CSMD3: variants seen among roughly 807,000 people sequenced by gnomAD.
The protein encoded by CSMD3 is CUB and sushi domain-containing protein 3.
Under a neutral mutation model 435.2 loss-of-function variants are expected in CSMD3, and 177 were observed. The observed-to-expected ratio is 0.41, with a 90% confidence interval of 0.36 to 0.46. The LOEUF (loss-of-function observed/expected upper bound fraction) is 0.46, where lower values mean the gene tolerates loss of function less well. CSMD3 is among the 20% of genes least tolerant of loss of function. The probability of loss-of-function intolerance (pLI) is 0.34; values close to 1 mark genes in which losing one functional copy is unlikely to be tolerated. For synonymous variants in CSMD3, 1,656 were observed against 1,520.5 expected (o/e 1.09, Z -2.07); for missense variants, 4,265 against 4,504.6 (o/e 0.95, Z 1.52).
At chr8:113,239,902 T>A (rs79624576) in intron 3 of CSMD3, among the ~76,000 whole-genome samples, 4,505 of 152,176 alleles carry the variant, frequency 0.03, 86 homozygotes, top group Admixed American at 0.04. Context: ...ATTTGTTACA[T>A]AGGTAAATGT....
chr8:112,294,217 G>A lies in CSMD3; in HGVS notation c.8615-1507C>T, dbSNP rs564590628. Among the ~76,000 whole-genome samples the A allele has an allele frequency of 3.9e-5, 6 of 151,968 alleles. No individual in the cohort carries two copies. The East Asian group carries it at 7.7e-4, about 20-fold the overall frequency. ...TACCATGAAACTAGAATTTCTATACGTTTCTGTGGATTGGATCAAAACAGT... is the reference window on the plus strand; with the variant it reads ...TACCATGAAACTAGAATTTCTATACATTTCTGTGGATTGGATCAAAACAGT... On this transcript the variant is annotated intron_variant, in intron 54 of 70. Coordinates refer to ENST00000297405, the MANE Select transcript of CSMD3 (RefSeq NM_198123.2).
chr8:112,477,550 C>T (rs1482516473), intron 31 of CSMD3, among the ~76,000 whole-genome samples: 1 of 152,030 alleles, frequency 6.6e-6, no homozygotes, highest in East Asian at 1.9e-4. Context: ...TGGTGCTGTC[C>T]TAGCAATAGT....
intron 32 of CSMD3, among the ~76,000 whole-genome samples, chr8:112,442,856 A>AACATGCAG (rs1221879752): frequency 6.6e-6 from 1 of 152,200 alleles, no homozygotes; most frequent in Non-Finnish European, 1.5e-5. Flanking sequence ...GTCAGATTCA[A>AACATGCAG]ACATGCAGAC....
intron 13 of CSMD3, among the ~76,000 whole-genome samples, chr8:112,695,362 C>G (rs1414471763): frequency 6.6e-6 from 1 of 152,042 alleles, no homozygotes; most frequent in African/African-American, 2.4e-5. Flanking sequence ...TATTTTCTTT[C>G]TCCTTTTTAA....
At chr8:112,350,283 T>C (rs1272437512) in intron 40 of CSMD3, among the ~76,000 whole-genome samples, 1 of 151,346 alleles carries the variant, frequency 6.6e-6, no homozygotes, top group South Asian at 2.1e-4. Context: ...ACTTTTTTTT[T>C]TTTTTTTTTT....
chr8:112,908,948 G>T (rs191401302), intron 10 of CSMD3, among the ~76,000 whole-genome samples: 53 of 151,556 alleles, frequency 3.5e-4, no homozygotes, highest in African/African-American at 1.2e-3. Context: ...TAAGTGAGAA[G>T]ATTTTCAGAA....
intron 12 of CSMD3, among the ~76,000 whole-genome samples, chr8:112,828,163 A>T (rs944891377): frequency 1.3e-5 from 2 of 152,210 alleles, no homozygotes; most frequent in African/African-American, 4.8e-5. Flanking sequence ...TTATTTCTGG[A>T]AAATGTCAGT....
At chr8:112,434,442 CCT>C (rs1814084403) in intron 32 of CSMD3, among the ~76,000 whole-genome samples, 1 of 152,108 alleles carries the variant, frequency 6.6e-6, no homozygotes, top group African/African-American at 2.4e-5. Context: ...AAAGCATCTT[CCT>C]TTAACTTTCC....
intron 13 of CSMD3, among the ~76,000 whole-genome samples, chr8:112,712,329 T>C (rs1333970557): frequency 1.3e-5 from 2 of 152,210 alleles, no homozygotes; most frequent in African/African-American, 2.4e-5. Flanking sequence ...AAATGTAGTC[T>C]GATTCAAAAA....
intron 5 of CSMD3, among the ~76,000 whole-genome samples, chr8:113,059,680 G>A (rs1241918357): frequency 6.6e-6 from 1 of 152,148 alleles, no homozygotes; most frequent in Non-Finnish European, 1.5e-5. Context: ...TTGCTAATTA[G>A]CTTAAGTTTC....
Position 112,304,705 on chromosome 8 carries a change from C to T in CSMD3, c.8266+16G>A, listed in dbSNP as rs2130776273. The T allele has an allele frequency of 1.3e-6, 2 of 1,580,318 alleles. No individual in the cohort carries two copies. The highest frequency in any genetic ancestry group is 1.7e-6 in the Non-Finnish European group (2 of 1,149,228). ...AACATAGCTTATGAAATAAGTTTAG[C>T]AGAGTGTATACTTACTTTGGCAATA... On this transcript the variant is annotated intron_variant, in intron 52 of 70. Transcript: ENST00000297405.
intron 9 of CSMD3, among the ~76,000 whole-genome samples, chr8:112,935,062 T>C (rs1316791095): frequency 1.3e-5 from 2 of 152,142 alleles, no homozygotes; most frequent in African/African-American, 4.8e-5. Flanking sequence ...CCTAAATTTA[T>C]TTTGAGTTGA....
chr8:113,171,392 T>C (rs1036205128), intron 4 of CSMD3, among the ~76,000 whole-genome samples: 1 of 152,088 alleles, frequency 6.6e-6, no homozygotes, highest in Non-Finnish European at 1.5e-5. Context: ...TTGTCTGAAT[T>C]GAGATGAAGG....
rs145061194 is a variant in CSMD3 at position 112,344,018 on chromosome 8, G to A, written c.6442+2079C>T. 6.0e-4 allele frequency among the ~76,000 whole-genome samples: 91 copies of A among 152,152 alleles called. No individual in the cohort carries two copies. The East Asian group carries it at 0.016, about 27-fold the overall frequency. On this transcript the variant is annotated intron_variant, in intron 41 of 70. Transcript: ENST00000297405. ...CTGCCTCAGCCTCCAGAGTAGCTGCGACTACAGGTGCGTGCCACCATGCCT... is the reference window on the plus strand; with the variant it reads ...CTGCCTCAGCCTCCAGAGTAGCTGCAACTACAGGTGCGTGCCACCATGCCT...
At chr8:113,114,331 A>T (rs2090758114) in intron 4 of CSMD3, among the ~76,000 whole-genome samples, 1 of 152,166 alleles carries the variant, frequency 6.6e-6, no homozygotes, top group African/African-American at 2.4e-5. Flanking sequence ...AAAAATGAAT[A>T]GAAATGTTAA....
At position 112,666,551 on chromosome 8, in the gene CSMD3, G is replaced by A. The variant is rs2075531022; in HGVS notation, c.2678-136C>T. 5.5e-6 allele frequency: 4 copies of A among 729,636 alleles called. No homozygotes were observed. The African/African-American group carries it at 7.1e-5, about 13-fold the overall frequency. 45.2% of individuals were successfully genotyped at this position (729,636 alleles called of 1,614,324 possible). On this transcript the variant is annotated intron_variant, in intron 16 of 70. Coordinates refer to ENST00000297405, the MANE Select transcript of CSMD3 (RefSeq NM_198123.2). ...GTTAATACTATTTTTGAAAGCAATG[G>A]TACATCTAGTCAATTACTTCTGTTA...
intron 17 of CSMD3, among the ~76,000 whole-genome samples, chr8:112,664,739 A>G (rs1262856225): frequency 6.6e-6 from 1 of 152,160 alleles, no homozygotes; most frequent in Non-Finnish European, 1.5e-5. Flanking sequence ...TGTCCAGGAC[A>G]TAAACACACA....
intron 3 of CSMD3, among the ~76,000 whole-genome samples, chr8:113,220,517 AAATT>A (rs2092954369): frequency 6.6e-6 from 1 of 151,446 alleles, no homozygotes; most frequent in South Asian, 2.1e-4. Flanking sequence ...AAAATTGAAA[AAATT>A]AATGCAAAGG....
At chr8:113,359,505 T>C (rs986097050) in intron 1 of CSMD3, among the ~76,000 whole-genome samples, 7 of 152,200 alleles carry the variant, frequency 4.6e-5, no homozygotes, top group African/African-American at 1.2e-4. Flanking sequence ...GGAAATGGAT[T>C]GGTTCTCTAG....
Sources: allele counts gnomAD v4.1 joint callset (sites outside exome capture counted in the v4.1 genomes callset), GRCh38; gene constraint gnomAD v4.1.1; transcripts MANE v1.5; gene names NCBI Gene and HGNC (gene_info 2026-07-23, HGNC 2026-07-21).